RYR2: variants seen among roughly 807,000 people sequenced by gnomAD.
RYR2 encodes the protein ryanodine receptor 2, also known as cardiac muscle ryanodine receptor-calcium release channel.
In RYR2, 227 loss-of-function variants were observed where a neutral mutation model predicts 601.1. The ratio of observed to expected loss-of-function variants is 0.38; its 90% CI spans 0.34 to 0.42. RYR2 has a LOEUF of 0.42. RYR2 is among the 10% of genes least tolerant of loss of function. RYR2 has a pLI of 1.00. For synonymous variants in RYR2, 2,223 were observed against 2,175.1 expected, an observed-to-expected ratio of 1.02 and a Z score of -0.61; for missense variants, 4,646 against 6,156.5, an observed-to-expected ratio of 0.75 and a Z score of 8.21.
chr1:237,608,660 G>T (rs902194283), intron 35 of RYR2, among the ~76,000 whole-genome samples: 3 of 152,050 alleles, frequency 2.0e-5, no homozygotes, highest in African/African-American at 7.2e-5. Flanking sequence ...CCGTGATTGC[G>T]CTGCTGCACT....
At chr1:237,352,001 C>CA (rs1280082134) in intron 3 of RYR2, among the ~76,000 whole-genome samples, 2 of 151,564 alleles carry the variant, frequency 1.3e-5, no homozygotes, top group Non-Finnish European at 2.9e-5. Flanking sequence ...AGTTGGGATT[C>CA]AAAACCAATT....
At chr1:237,742,442 T>A in intron 80 of RYR2, 93 bp downstream of exon 80, 2 of 897,220 alleles carry the variant, frequency 2.2e-6, no homozygotes, top group Non-Finnish European at 1.8e-6. Context: ...GCTTCATGGC[T>A]TATTGCAGCT....
chr1:237,168,037 C>T (rs966187452), intron 1 of RYR2, among the ~76,000 whole-genome samples: 1 of 152,170 alleles, frequency 6.6e-6, no homozygotes, highest in African/African-American at 2.4e-5. Flanking sequence ...TGGATACTTA[C>T]CAAGCCAAAG....
chr1:237,474,005 A>C (rs567470061), intron 17 of RYR2, among the ~76,000 whole-genome samples: 167 of 152,100 alleles, frequency 1.1e-3, no homozygotes, highest in African/African-American at 3.0e-3. Context: ...AGTGAGGAAA[A>C]AAAGCTGATG....
chr1:237,341,431 C>T (rs1010368834), intron 3 of RYR2, among the ~76,000 whole-genome samples: 15 of 152,124 alleles, frequency 9.9e-5, no homozygotes, highest in African/African-American at 3.6e-4. Context: ...AAAACAAACA[C>T]AAAAGCAAAA....
intron 6 of RYR2, 49 bp downstream of exon 6, chr1:237,369,657 G>T (rs1284253890): frequency 6.9e-7 from 1 of 1,449,398 alleles, no homozygotes; most frequent in East Asian, 2.5e-5. Flanking sequence ...TGATCCATTT[G>T]GGGGTACATG....
At chr1:237,636,625 C>A (rs1166695745) in intron 44 of RYR2, among the ~76,000 whole-genome samples, 1 of 152,180 alleles carries the variant, frequency 6.6e-6, no homozygotes, top group African/African-American at 2.4e-5. Context: ...AGTTCCTTAA[C>A]AAATTAAACA....
chr1:237,660,044 A>G lies in RYR2; in HGVS notation c.8268A>G (p.Leu2756=), dbSNP rs746645236. Residue 2756 remains leucine (L), a synonymous_variant, in exon 55 of 105, where the codon TTA becomes TTG. Transcript: ENST00000366574. ...IYSDSSKVQP[L]MKPYKLLSEK... ...CAGACTCTTCTAAGGTTCAGCCATTAATGAAGCCATATAAGCTATTGTCTG... is the reference window on the plus strand; with the variant it reads ...CAGACTCTTCTAAGGTTCAGCCATTGATGAAGCCATATAAGCTATTGTCTG... The G allele has an allele frequency of 6.3e-7, 1 of 1,586,236 alleles. No homozygotes were observed. The highest frequency in any genetic ancestry group is 1.8e-5 in the Admixed American group (1 of 55,664).
In RYR2 at chr1:237,660,023, C is replaced by T. The variant is rs878854161; in HGVS notation, c.8247C>T (p.Asp2749=). The change falls in exon 55 of 105, where the codon GAC becomes GAT. Residue 2749 remains aspartate (D), a synonymous_variant. Transcript: ENST00000366574. ...GGATTTATGGAGAAATATATTCAGA[C>T]TCTTCTAAGGTTCAGCCATTAATGA... ...NGWIYGEIYS[D]SSKVQPLMKP... 1 of 1,590,050 alleles carries T rather than the reference C, an allele frequency of 6.3e-7. No individual in the cohort carries two copies. The highest frequency in any genetic ancestry group is 8.5e-7 in the Non-Finnish European group (1 of 1,171,474).
At chr1:237,747,324 T>C (rs1340148567) in intron 80 of RYR2, among the ~76,000 whole-genome samples, 10 of 152,236 alleles carry the variant, frequency 6.6e-5, no homozygotes, top group Admixed American at 6.5e-4. Context: ...GAGAATTTCT[T>C]GTGTGTTAAA....
At chr1:237,044,331 T>A (rs1048915380) in intron 1 of RYR2, among the ~76,000 whole-genome samples, 7 of 152,142 alleles carry the variant, frequency 4.6e-5, no homozygotes, top group Non-Finnish European at 7.4e-5. Flanking sequence ...CTGGGACATT[T>A]TGGTAGGCTT....
chr1:237,296,495 T>C (rs1692795094), intron 2 of RYR2, among the ~76,000 whole-genome samples: 2 of 152,120 alleles, frequency 1.3e-5, no homozygotes, highest in Admixed American at 6.6e-5. Context: ...TTAAAGAGTT[T>C]TGGATTTGAG....
At chr1:237,178,455 TGTGTGTGTGTG>T (rs1357616886) in intron 1 of RYR2, among the ~76,000 whole-genome samples, 10 of 149,046 alleles carry the variant, frequency 6.7e-5, no homozygotes, top group African/African-American at 2.3e-4. Context: ...TGTGTGTGTG[TGTGTGTGTGTG>T]TGTTTAAAAG....
At chr1:237,691,235 T>G (rs1221986392) in intron 63 of RYR2, among the ~76,000 whole-genome samples, 1 of 152,136 alleles carries the variant, frequency 6.6e-6, no homozygotes. Context: ...AAAGTTGAGG[T>G]TGACAAGAAA....
At chr1:237,229,402 G>C (rs867170482) in intron 1 of RYR2, among the ~76,000 whole-genome samples, 6 of 152,174 alleles carry the variant, frequency 3.9e-5, no homozygotes, top group Non-Finnish European at 8.8e-5. Flanking sequence ...GAAGGACGTC[G>C]GTTAAAGGTC....
intron 4 of RYR2, among the ~76,000 whole-genome samples, chr1:237,357,963 G>A (rs1699444019): frequency 6.6e-6 from 1 of 152,074 alleles, no homozygotes; most frequent in African/African-American, 2.4e-5. Flanking sequence ...ATTTTAGATT[G>A]GAGCTCTTTT....
intron 10 of RYR2, among the ~76,000 whole-genome samples, chr1:237,403,545 T>C (rs1703579309): frequency 6.6e-6 from 1 of 152,104 alleles, no homozygotes; most frequent in Non-Finnish European, 1.5e-5. Flanking sequence ...CCCACCTTGG[T>C]CTCCTGAGTA....
intron 1 of RYR2, among the ~76,000 whole-genome samples, chr1:237,107,303 C>G (rs12043330): frequency 6.6e-6 from 1 of 151,088 alleles, no homozygotes; most frequent in East Asian, 2.0e-4. Flanking sequence ...GGGCGGATCA[C>G]GAGGTCAGGA....
At chr1:237,641,485 CTTTCTTTCTT>C (rs1553264981) in intron 47 of RYR2, among the ~76,000 whole-genome samples, 4 of 72,190 alleles carry the variant, frequency 5.5e-5, no homozygotes, top group African/African-American at 1.2e-4. Context: ...TTCTTTCTTT[CTTTCTTTCTT>C]TCTTTCTTTC....
Sources: allele counts gnomAD v4.1 joint callset (sites outside exome capture counted in the v4.1 genomes callset), GRCh38; gene constraint gnomAD v4.1.1; transcripts MANE v1.5; gene names NCBI Gene and HGNC (gene_info 2026-07-23, HGNC 2026-07-21).